SKAP1: variants seen among roughly 807,000 people sequenced by gnomAD.
SKAP1 encodes the protein src kinase associated phosphoprotein 1, also known as src kinase-associated phosphoprotein 1.
Under a neutral mutation model 58.5 loss-of-function variants are expected in SKAP1, and 44 were observed. The ratio of observed to expected loss-of-function variants is 0.75; its 90% CI spans 0.59 to 0.97. The LOEUF (loss-of-function observed/expected upper bound fraction) is 0.97, where lower values mean the gene tolerates loss of function less well. Among genes scored for constraint, SKAP1 ranks in the 50% least tolerant of loss-of-function variants. The pLI is 0.00. For missense variants in SKAP1, 390 were observed against 435.2 expected (o/e 0.90, Z 0.92); for synonymous variants, 127 against 149.7 (o/e 0.85, Z 1.11).
chr17:48,245,295 TTC>T (rs907451536), intron 4 of SKAP1, among the ~76,000 whole-genome samples: 3 of 152,210 alleles, frequency 2.0e-5, no homozygotes, highest in African/African-American at 4.8e-5. Context: ...TGATTTTTTT[TTC>T]TTTTTTCTTT....
At chr17:48,349,764 T>C (rs2066773677) in intron 3 of SKAP1, among the ~76,000 whole-genome samples, 2 of 152,222 alleles carry the variant, frequency 1.3e-5, no homozygotes, top group Non-Finnish European at 2.9e-5. Flanking sequence ...CACAGAGTGA[T>C]AAGTTGTGAA....
chr17:48,188,806 C>T (rs1406718020), intron 5 of SKAP1, among the ~76,000 whole-genome samples: 1 of 152,116 alleles, frequency 6.6e-6, no homozygotes, highest in South Asian at 2.1e-4. Flanking sequence ...TAAGACCAGC[C>T]TGGCCAACAT....
intron 6 of SKAP1, chr17:48,185,827 G>T (rs373682417): frequency 6.6e-6 from 1 of 152,528 alleles, no homozygotes; most frequent in East Asian, 1.9e-4. Flanking sequence ...AATAACTGGC[G>T]AGAAGGGAGC....
At position 48,273,926 on chromosome 17, in the gene SKAP1, C is replaced by T. The variant is rs936252973; in HGVS notation, c.280+71979G>A. Among the ~76,000 whole-genome samples the T allele has an allele frequency of 6.0e-5, 9 of 150,762 alleles. No individual in the cohort carries two copies. In the South Asian group the frequency reaches 1.3e-3, roughly 21 times the overall value. Reference sequence around the variant, plus strand: ...TGGTGATTTATATTCTATTTTAAAACGTTTACTTTTAGAGATGGGGTCTTG... The same window carrying T: ...TGGTGATTTATATTCTATTTTAAAATGTTTACTTTTAGAGATGGGGTCTTG... On this transcript the variant is annotated intron_variant, in intron 4 of 12. Coordinates refer to ENST00000336915, the MANE Select transcript of SKAP1 (RefSeq NM_003726.4).
chr17:48,209,959 A>C (rs2064851583), intron 4 of SKAP1, among the ~76,000 whole-genome samples: 2 of 152,238 alleles, frequency 1.3e-5, no homozygotes, highest in South Asian at 4.1e-4. Flanking sequence ...TTAAAGCATT[A>C]TTCCCTGTTG....
At chr17:48,425,482 A>T (rs1313516060) in intron 1 of SKAP1, among the ~76,000 whole-genome samples, 1 of 152,240 alleles carries the variant, frequency 6.6e-6, no homozygotes, top group Admixed American at 6.5e-5. Context: ...TTTTATAATC[A>T]GAAAATTTTA....
chr17:48,371,328 C>T (rs1269990726), intron 2 of SKAP1, among the ~76,000 whole-genome samples: 1 of 152,122 alleles, frequency 6.6e-6, no homozygotes, highest in Non-Finnish European at 1.5e-5. Flanking sequence ...CATTGTCAGG[C>T]TTCTGCTGAA....
At chr17:48,157,767 G>C (rs2063999886) in intron 11 of SKAP1, among the ~76,000 whole-genome samples, 1 of 151,860 alleles carries the variant, frequency 6.6e-6, no homozygotes, top group Non-Finnish European at 1.5e-5. Context: ...GACCTCGGGT[G>C]ATCTGCCAGC....
At chr17:48,212,848 A>G (rs1471999813) in intron 4 of SKAP1, among the ~76,000 whole-genome samples, 1 of 152,216 alleles carries the variant, frequency 6.6e-6, no homozygotes, top group African/African-American at 2.4e-5. Flanking sequence ...AGATAGAGAA[A>G]CATGGTGCTA....
chr17:48,204,370 T>A (rs1414749155), intron 4 of SKAP1: 1 of 152,244 alleles, frequency 6.6e-6, no homozygotes, highest in East Asian at 1.9e-4. Flanking sequence ...CTCAAAGTGC[T>A]GGGATTACAG....
chr17:48,443,303 G>T, the SKAP1 span, among the ~76,000 whole-genome samples: 1 of 152,104 alleles, frequency 6.6e-6, no homozygotes, highest in South Asian at 2.1e-4. Flanking sequence ...AATTACTTTT[G>T]CACCAACCTA....
intron 2 of SKAP1, among the ~76,000 whole-genome samples, chr17:48,392,348 A>G (rs947526986): frequency 1.3e-5 from 2 of 152,176 alleles, no homozygotes; most frequent in Non-Finnish European, 2.9e-5. Flanking sequence ...ACCCTGTTAC[A>G]CAAAATGTAT....
chr17:48,321,304 A>T (rs1183553562), intron 4 of SKAP1, among the ~76,000 whole-genome samples: 2 of 151,236 alleles, frequency 1.3e-5, no homozygotes, highest in Non-Finnish European at 2.9e-5. Context: ...TTCAGGAACA[A>T]TATTCCACAA....
intron 8 of SKAP1, among the ~76,000 whole-genome samples, chr17:48,181,034 G>A (rs2064361247): frequency 6.6e-6 from 1 of 152,228 alleles, no homozygotes; most frequent in Non-Finnish European, 1.5e-5. Flanking sequence ...AAACCCTGCT[G>A]AGGGCCCTCT....
intron 9 of SKAP1, among the ~76,000 whole-genome samples, chr17:48,171,090 G>GTTT (rs1458338120): frequency 3.5e-4 from 26 of 74,132 alleles, no homozygotes; most frequent in Non-Finnish European, 3.7e-4. Context: ...TTTAATTACT[G>GTTT]TTGTTTTTTT....
chr17:48,335,924 T>C (rs192536420), intron 4 of SKAP1, among the ~76,000 whole-genome samples: 14 of 152,284 alleles, frequency 9.2e-5, no homozygotes, highest in Admixed American at 3.9e-4. Flanking sequence ...TGAGTATGCG[T>C]ATGCGTACGC....
At chr17:48,179,903 C>T in intron 9 of SKAP1, 151 bp downstream of exon 9, 1 of 660,898 alleles carries the variant, frequency 1.5e-6, no homozygotes. Flanking sequence ...TTACCCACTT[C>T]CCTACAATCT....
chr17:48,356,537 T>C (rs970769929), intron 3 of SKAP1, among the ~76,000 whole-genome samples: 4 of 152,190 alleles, frequency 2.6e-5, no homozygotes, highest in Admixed American at 6.5e-5. Flanking sequence ...GGGTGTTCTA[T>C]GAATTTTTGT....
chr17:48,293,068 A>T (rs1349709588), intron 4 of SKAP1, among the ~76,000 whole-genome samples: 1 of 152,192 alleles, frequency 6.6e-6, no homozygotes, highest in Non-Finnish European at 1.5e-5. Context: ...ACACATTCAT[A>T]AAAAATCTAC....
Sources: gnomAD v4.1 joint callset for allele counts (sites outside exome capture counted in the v4.1 genomes callset) on GRCh38, gnomAD v4.1.1 for gene constraint, MANE v1.5 for transcripts, NCBI Gene and HGNC (gene_info 2026-07-23, HGNC 2026-07-21) for gene names.